Variants in KAT6B observed in about 807,000 individuals in gnomAD.
The protein encoded by KAT6B is histone acetyltransferase KAT6B.
KAT6B carries 10 observed loss-of-function variants against 187.5 expected under a neutral mutation model. The ratio of observed to expected loss-of-function variants is 0.05; its 90% CI spans 0.03 to 0.09. The LOEUF (loss-of-function observed/expected upper bound fraction) is 0.09. Among genes scored for constraint, KAT6B ranks in the 10% least tolerant of loss-of-function variants. The probability of loss-of-function intolerance (pLI) is 1.00; values close to 1 mark genes in which losing one functional copy is unlikely to be tolerated. For missense variants in KAT6B, 1,952 were observed against 2,558.9 expected, an observed-to-expected ratio of 0.76 and a Z score of 5.12; for synonymous variants, 861 against 926.8, an observed-to-expected ratio of 0.93 and a Z score of 1.29.
chr10:74,870,632 T>C (rs1438801763), intron 3 of KAT6B, among the ~76,000 whole-genome samples: 1 of 152,188 alleles, frequency 6.6e-6, no homozygotes, highest in Non-Finnish European at 1.5e-5. Context: ...CAGGCTGGAG[T>C]GCAATGGTGG....
intron 16 of KAT6B, among the ~76,000 whole-genome samples, chr10:75,022,641 T>C (rs1027655347): frequency 6.6e-6 from 1 of 152,216 alleles, no homozygotes; most frequent in African/African-American, 2.4e-5. Flanking sequence ...CTCAAGACTC[T>C]AAGCCTGGGT....
At chr10:74,985,635 C>G (rs1273972380) in intron 12 of KAT6B, among the ~76,000 whole-genome samples, 1 of 152,168 alleles carries the variant, frequency 6.6e-6, no homozygotes, top group African/African-American at 2.4e-5. Flanking sequence ...AACAGTATCT[C>G]AGTGAGTTAG....
chr10:74,833,049 C>T (rs1190267003), intron 1 of KAT6B, among the ~76,000 whole-genome samples: 1 of 144,382 alleles, frequency 6.9e-6, no homozygotes, highest in Non-Finnish European at 1.5e-5. Context: ...GCAGGAGAGT[C>T]GTTTGAACCC....
chr10:74,893,544 A>T (rs551440182), intron 3 of KAT6B, among the ~76,000 whole-genome samples: 1 of 151,542 alleles, frequency 6.6e-6, no homozygotes, highest in African/African-American at 2.4e-5. Flanking sequence ...ATCTCAGCTC[A>T]CTGCAACCTC....
chr10:74,923,261 T>G lies in KAT6B; in HGVS notation c.622-36709T>G, dbSNP rs143168223. 3.6e-3 allele frequency among the ~76,000 whole-genome samples: 547 copies of G among 152,326 alleles called. 2 individuals are homozygous for G. The highest frequency in any genetic ancestry group is 6.9e-3 in the Non-Finnish European group (467 of 68,026). ...TAGAAGGGAGGAAGTCTAGTATTCATTCATTTATTTATTCATTAATTCAGC... is the reference window on the plus strand; with the variant it reads ...TAGAAGGGAGGAAGTCTAGTATTCAGTCATTTATTTATTCATTAATTCAGC... On this transcript the variant is annotated intron_variant, in intron 3 of 17. Transcript: ENST00000287239.
At chr10:74,935,261 A>G (rs376625348) in intron 3 of KAT6B, among the ~76,000 whole-genome samples, 4 of 93,940 alleles carry the variant, frequency 4.3e-5, no homozygotes, top group South Asian at 4.5e-4. Context: ...ACATATGTAC[A>G]TACATTTACA....
At chr10:74,932,584 T>C (rs1848964125) in intron 3 of KAT6B, among the ~76,000 whole-genome samples, 1 of 152,192 alleles carries the variant, frequency 6.6e-6, no homozygotes, top group South Asian at 2.1e-4. Context: ...AATCATTAGA[T>C]GGAGCAGATT....
intron 3 of KAT6B, among the ~76,000 whole-genome samples, chr10:74,921,016 T>C (rs1001915920): frequency 6.6e-6 from 1 of 152,154 alleles, no homozygotes; most frequent in African/African-American, 2.4e-5. Flanking sequence ...TTTATAATTA[T>C]TTCTTTTGAG....
At chr10:74,829,321 A>G (rs1209850374) in intron 1 of KAT6B, among the ~76,000 whole-genome samples, 1 of 152,256 alleles carries the variant, frequency 6.6e-6, no homozygotes, top group Non-Finnish European at 1.5e-5. Context: ...ATAAGCTCTC[A>G]TGGACTTTCA....
chr10:74,910,914 A>C (rs1386873582), intron 3 of KAT6B, among the ~76,000 whole-genome samples: 1 of 152,060 alleles, frequency 6.6e-6, no homozygotes, highest in Non-Finnish European at 1.5e-5. Flanking sequence ...TACCCTTGCC[A>C]TTTTCAAGAT....
chr10:74,907,796 C>T (rs985646479), intron 3 of KAT6B, among the ~76,000 whole-genome samples: 2 of 152,236 alleles, frequency 1.3e-5, no homozygotes, highest in Admixed American at 6.5e-5. Flanking sequence ...TCCCAAAGTG[C>T]TGGGATTACA....
At chr10:74,854,665 T>C (rs1842700843) in intron 3 of KAT6B, among the ~76,000 whole-genome samples, 1 of 152,220 alleles carries the variant, frequency 6.6e-6, no homozygotes, top group Non-Finnish European at 1.5e-5. Flanking sequence ...TAGAATTCTT[T>C]AGCCACTATT....
At chr10:74,915,193 A>G (rs1847582247) in intron 3 of KAT6B, among the ~76,000 whole-genome samples, 2 of 152,208 alleles carry the variant, frequency 1.3e-5, no homozygotes, top group South Asian at 2.1e-4. Flanking sequence ...CATTATTACT[A>G]TATGCAGCTT....
intron 3 of KAT6B, among the ~76,000 whole-genome samples, chr10:74,946,459 T>C (rs937317517): frequency 1.3e-5 from 2 of 152,218 alleles, no homozygotes; most frequent in African/African-American, 4.8e-5. Context: ...ATTTTTAAAA[T>C]TTTAGCCCTG....
chr10:75,007,651 G>T (rs184415900), intron 13 of KAT6B, among the ~76,000 whole-genome samples: 2 of 152,310 alleles, frequency 1.3e-5, no homozygotes, highest in Admixed American at 6.5e-5. Context: ...GATCCTGGGT[G>T]ATAGTTACAA....
chr10:74,881,663 T>A (rs1307631600), intron 3 of KAT6B, among the ~76,000 whole-genome samples: 1 of 152,028 alleles, frequency 6.6e-6, no homozygotes, highest in Non-Finnish European at 1.5e-5. Context: ...CGGTGGAGAT[T>A]GATTGATTGA....
chr10:74,925,043 C>T (rs948481771), intron 3 of KAT6B, among the ~76,000 whole-genome samples: 1 of 151,964 alleles, frequency 6.6e-6, no homozygotes, highest in African/African-American at 2.4e-5. Context: ...TGTAAATTTA[C>T]TTTTATTTAT....
intron 3 of KAT6B, among the ~76,000 whole-genome samples, chr10:74,895,295 A>G (rs1473620448): frequency 2.0e-5 from 3 of 151,842 alleles, no homozygotes; most frequent in Non-Finnish European, 4.4e-5. Flanking sequence ...TTAATGCCTT[A>G]TCAGATATTT....
At chr10:74,981,476 C>T (rs1842518243) in intron 10 of KAT6B, among the ~76,000 whole-genome samples, 1 of 152,072 alleles carries the variant, frequency 6.6e-6, no homozygotes, top group African/African-American at 2.4e-5. Flanking sequence ...TGGGCTTAAG[C>T]GATCTTCCTG....
Sources: allele counts gnomAD v4.1 joint callset (sites outside exome capture counted in the v4.1 genomes callset), GRCh38; gene constraint gnomAD v4.1.1; transcripts MANE v1.5; gene names NCBI Gene and HGNC (gene_info 2026-07-23, HGNC 2026-07-21).